Variants in NOL4 observed in about 807,000 individuals in gnomAD.
The protein encoded by NOL4 is cancer/testis antigen 125.
Under a neutral mutation model 75.9 loss-of-function variants are expected in NOL4, and 17 were observed. The observed-to-expected ratio is 0.22, with a 90% CI of 0.15 to 0.34. The LOEUF is 0.34. Ranked by LOEUF, NOL4 falls within the 10% of genes least tolerant of loss-of-function variation. NOL4 has a pLI of 1.00. For synonymous variants in NOL4, 292 were observed against 289.9 expected, an observed-to-expected ratio of 1.01 and a Z score of -0.07; for missense variants, 614 against 793.5, an observed-to-expected ratio of 0.77 and a Z score of 2.72.
chr18:34,152,303 G>A (rs548297363), intron 1 of NOL4, among the ~76,000 whole-genome samples: 3 of 151,886 alleles, frequency 2.0e-5, no homozygotes, highest in South Asian at 4.1e-4. Context: ...AAATGTTCAT[G>A]TAAAAATAGG....
chr18:34,216,018 T>C (rs2036862799), intron 1 of NOL4, among the ~76,000 whole-genome samples: 1 of 152,326 alleles, frequency 6.6e-6, no homozygotes, highest in East Asian at 1.9e-4. Flanking sequence ...CAAATACTTA[T>C]TGAAAAAAAT....
intron 1 of NOL4, among the ~76,000 whole-genome samples, chr18:34,214,267 A>G (rs542743287): frequency 6.6e-6 from 1 of 152,296 alleles, no homozygotes; most frequent in Non-Finnish European, 1.5e-5. Flanking sequence ...ACTTGGATTT[A>G]TATATATTTT....
chr18:33,964,028 T>C (rs2070369896), intron 6 of NOL4, among the ~76,000 whole-genome samples: 1 of 152,158 alleles, frequency 6.6e-6, no homozygotes, highest in South Asian at 2.1e-4. Flanking sequence ...GCCAGGTGTC[T>C]ATGCTTTCAC....
At chr18:34,199,761 G>A (rs535679337) in intron 1 of NOL4, among the ~76,000 whole-genome samples, 1 of 151,956 alleles carries the variant, frequency 6.6e-6, no homozygotes, top group South Asian at 2.1e-4. Context: ...AAAAAACAGT[G>A]ATATCAGTGA....
intron 5 of NOL4, among the ~76,000 whole-genome samples, chr18:34,061,232 C>A (rs1327722124): frequency 1.3e-5 from 2 of 152,034 alleles, no homozygotes; most frequent in Non-Finnish European, 2.9e-5. Flanking sequence ...ATCAGTTCAT[C>A]ATAGATATAT....
At chr18:34,040,826 A>G (rs956094100) in intron 5 of NOL4, among the ~76,000 whole-genome samples, 1 of 152,022 alleles carries the variant, frequency 6.6e-6, no homozygotes, top group Non-Finnish European at 1.5e-5. Context: ...GGGCAATCCC[A>G]TGAGAAAATT....
At chr18:33,964,286 T>C (rs1781112400) in intron 6 of NOL4, among the ~76,000 whole-genome samples, 1 of 152,130 alleles carries the variant, frequency 6.6e-6, no homozygotes, top group African/African-American at 2.4e-5. Context: ...TTTTAAAAAC[T>C]ATCTTATATT....
chr18:33,878,948 T>C (rs1339104283), intron 10 of NOL4, among the ~76,000 whole-genome samples: 1 of 152,066 alleles, frequency 6.6e-6, no homozygotes, highest in East Asian at 1.9e-4. Context: ...CAAATAATAA[T>C]ATGATTACTG....
At chr18:33,998,774 CAGG>C (rs2073477133) in intron 6 of NOL4, among the ~76,000 whole-genome samples, 1 of 152,054 alleles carries the variant, frequency 6.6e-6, no homozygotes, top group Non-Finnish European at 1.5e-5. Context: ...AATGAATGAC[CAGG>C]AGATGTGCTA....
intron 6 of NOL4, among the ~76,000 whole-genome samples, chr18:33,967,501 G>A (rs1217449434): frequency 6.6e-6 from 1 of 152,056 alleles, no homozygotes; most frequent in African/African-American, 2.4e-5. Context: ...CTTCTGCACG[G>A]CAAAACAAAT....
intron 5 of NOL4, among the ~76,000 whole-genome samples, chr18:34,054,236 G>A (rs1002009109): frequency 2.0e-5 from 3 of 151,756 alleles, no homozygotes; most frequent in Non-Finnish European, 4.4e-5. Context: ...AATTGCTCTA[G>A]TCCTCTATTT....
rs141735623 is a variant in NOL4, at chr18:34,125,297, A to G, written c.414+4574T>C. On this transcript the variant is annotated intron_variant, in intron 2 of 10. Transcript: ENST00000261592. ...CTATTTCAATACTGTTAAGATCTGC[A>G]AACTCTACAAACTCTGTCTTAGACT... Among the ~76,000 whole-genome samples, 1,288 of 152,312 alleles carry G rather than the reference A, an allele frequency of 8.5e-3. 4 individuals are homozygous for G. The highest frequency in any genetic ancestry group is 0.034 in the Middle Eastern group (10 of 294).
chr18:34,047,207 T>C (rs897467798), intron 5 of NOL4, among the ~76,000 whole-genome samples: 17 of 152,148 alleles, frequency 1.1e-4, no homozygotes, highest in African/African-American at 4.1e-4. Flanking sequence ...TGCTCTGTTT[T>C]TGCAGCAACA....
At chr18:34,212,286 A>G (rs1335811859) in intron 1 of NOL4, among the ~76,000 whole-genome samples, 2 of 152,216 alleles carry the variant, frequency 1.3e-5, no homozygotes, top group African/African-American at 4.8e-5. Context: ...GAGAGCTTAC[A>G]TCTTTTACTA....
chr18:34,062,992 T>C (rs1272500564), intron 5 of NOL4, among the ~76,000 whole-genome samples: 1 of 152,130 alleles, frequency 6.6e-6, no homozygotes, highest in East Asian at 1.9e-4. Context: ...AGAATTTACT[T>C]ATGGATGCTA....
At position 33,924,189 on chromosome 18, in the gene NOL4, G is replaced by C. The variant is rs62097802; in HGVS notation, c.1542+18876C>G. ...GACAACTATCGGGGGCAAATATCAG[G>C]TCAGCTCCCTGCAGCTGCGTCTTGG... On this transcript the variant is annotated intron_variant, in intron 9 of 10. Transcript: ENST00000261592. 8.8e-3 allele frequency among the ~76,000 whole-genome samples: 1,347 copies of C among 152,270 alleles called. 12 individuals carry two copies. Among genetic ancestry groups the C allele is most frequent in the Non-Finnish European group, 0.01 (707 of 68,020 alleles).
chr18:34,217,603 T>A (rs1373468517), intron 1 of NOL4, among the ~76,000 whole-genome samples: 1 of 152,146 alleles, frequency 6.6e-6, no homozygotes, highest in Non-Finnish European at 1.5e-5. Context: ...TTTAGCTCCG[T>A]GTTGCAATGT....
At chr18:34,146,558 G>T (rs2146043993) in intron 1 of NOL4, among the ~76,000 whole-genome samples, 1 of 152,168 alleles carries the variant, frequency 6.6e-6, no homozygotes, top group African/African-American at 2.4e-5. Context: ...TTATTTCTGA[G>T]GCCTCTGTTC....
intron 5 of NOL4, among the ~76,000 whole-genome samples, chr18:34,055,741 T>G (rs1194743441): frequency 6.6e-6 from 1 of 152,118 alleles, no homozygotes; most frequent in Non-Finnish European, 1.5e-5. Flanking sequence ...TTCCATAATT[T>G]GTATATTGGT....
Sources: allele counts gnomAD v4.1 joint callset (sites outside exome capture counted in the v4.1 genomes callset), GRCh38; gene constraint gnomAD v4.1.1; transcripts MANE v1.5; gene names NCBI Gene and HGNC (gene_info 2026-07-23, HGNC 2026-07-21).